CHMP4B: variants seen among roughly 807,000 people sequenced by gnomAD.
CHMP4B encodes SNF7 homolog associated with Alix 1.
Under a neutral mutation model 25.1 loss-of-function variants are expected in CHMP4B, and 1 was observed. The ratio of observed to expected loss-of-function variants is 0.04; its 90% confidence interval spans 0.01 to 0.19. CHMP4B has a LOEUF of 0.19. Among genes scored for constraint, CHMP4B ranks in the 10% least tolerant of loss-of-function variants. CHMP4B has a pLI of 1.00. For synonymous variants in CHMP4B, 101 were observed against 115.6 expected (o/e 0.87, Z 0.81); for missense variants, 151 against 289.7 (o/e 0.52, Z 3.48).
chr20:33,831,772 C>T (rs1287260404), intron 1 of CHMP4B, among the ~76,000 whole-genome samples: 1 of 152,004 alleles, frequency 6.6e-6, no homozygotes, highest in Non-Finnish European at 1.5e-5. Context: ...CAGTTGTAAT[C>T]GACAGTGTTC....
chr20:33,816,347 A>G (rs1978782900), intron 1 of CHMP4B, among the ~76,000 whole-genome samples: 1 of 152,184 alleles, frequency 6.6e-6, no homozygotes, highest in African/African-American at 2.4e-5. Flanking sequence ...AACTAAGGTA[A>G]TATATGAAAG....
intron 1 of CHMP4B, among the ~76,000 whole-genome samples, chr20:33,829,234 C>T (rs941491793): frequency 2.0e-5 from 3 of 152,164 alleles, no homozygotes; most frequent in African/African-American, 7.2e-5. Flanking sequence ...ACAGAATTTT[C>T]CCCAGTTCTC....
intron 2 of CHMP4B, among the ~76,000 whole-genome samples, chr20:33,850,029 G>A (rs143945967): frequency 2.0e-5 from 3 of 152,120 alleles, no homozygotes; most frequent in Non-Finnish European, 4.4e-5. Context: ...CTCCCTCCTG[G>A]GCCTCTCAAA....
In CHMP4B at chr20:33,853,477, C is replaced by T. The variant is rs1425357906; in HGVS notation, c.611-19C>T. The stretch of plus-strand genomic sequence containing the variant: ...GAACGCACCAGTCATCCTAAATAGC[C>T]TTTTCTGTCTTCACACAGCCAAGAA... On this transcript the variant is annotated intron_variant, in intron 4 of 4. Coordinates refer to ENST00000217402, the MANE Select transcript of CHMP4B (RefSeq NM_176812.5). 10 of 1,613,056 alleles carry T rather than the reference C, an allele frequency of 6.2e-6. No homozygotes were observed. The highest frequency in any genetic ancestry group is 6.8e-6 in the Non-Finnish European group (8 of 1,179,288).
chr20:33,830,014 A>G (rs546120947), intron 1 of CHMP4B, among the ~76,000 whole-genome samples: 1 of 152,316 alleles, frequency 6.6e-6, no homozygotes, highest in African/African-American at 2.4e-5. Flanking sequence ...CCATTTTACA[A>G]ATGAGGAAAC....
At chr20:33,828,808 T>G (rs1343617494) in intron 1 of CHMP4B, among the ~76,000 whole-genome samples, 1 of 151,908 alleles carries the variant, frequency 6.6e-6, no homozygotes, top group African/African-American at 2.4e-5. Flanking sequence ...AGTAAGCAGA[T>G]AAGTCTCAGG....
intron 1 of CHMP4B, among the ~76,000 whole-genome samples, chr20:33,824,650 A>G (rs1979037462): frequency 6.6e-6 from 1 of 152,152 alleles, no homozygotes; most frequent in African/African-American, 2.4e-5. Flanking sequence ...TGTGACCTCT[A>G]GAGTAGGGTT....
At chr20:33,850,212 C>T (rs1280262238) in intron 2 of CHMP4B, among the ~76,000 whole-genome samples, 2 of 152,156 alleles carry the variant, frequency 1.3e-5, no homozygotes, top group Middle Eastern at 3.2e-3. Context: ...TACTGTCTGG[C>T]CCTTTGCAGA....
intron 3 of CHMP4B, among the ~76,000 whole-genome samples, chr20:33,851,395 A>G (rs200665980): frequency 6.6e-6 from 1 of 152,180 alleles, no homozygotes; most frequent in East Asian, 1.9e-4. Flanking sequence ...AGAAGTTCAC[A>G]GGATTTTCCC....
At chr20:33,832,207 A>AG (rs1468101480) in intron 1 of CHMP4B, among the ~76,000 whole-genome samples, 2 of 152,134 alleles carry the variant, frequency 1.3e-5, no homozygotes, top group Non-Finnish European at 2.9e-5. Context: ...CTCAGGCAGA[A>AG]GGGGGCCCTT....
intron 1 of CHMP4B, among the ~76,000 whole-genome samples, chr20:33,828,063 A>G (rs1402310128): frequency 1.2e-4 from 18 of 152,186 alleles, no homozygotes; most frequent in Admixed American, 1.2e-3. Flanking sequence ...TATGGTAAAC[A>G]TTTACCCACC....
chr20:33,823,518 T>G (rs943086595), intron 1 of CHMP4B, among the ~76,000 whole-genome samples: 7 of 152,056 alleles, frequency 4.6e-5, no homozygotes, highest in Non-Finnish European at 1.0e-4. Flanking sequence ...ACTATAGGCA[T>G]GTACCACCAA....
At chr20:33,817,738 T>C (rs1978821162) in intron 1 of CHMP4B, among the ~76,000 whole-genome samples, 1 of 152,186 alleles carries the variant, frequency 6.6e-6, no homozygotes, top group Non-Finnish European at 1.5e-5. Context: ...CCACTGTCTT[T>C]AAGAGTGTGA....
At chr20:33,846,601 G>A (rs748622838) in intron 1 of CHMP4B, among the ~76,000 whole-genome samples, 54 of 152,330 alleles carry the variant, frequency 3.5e-4, no homozygotes, top group Middle Eastern at 6.8e-3. Context: ...TGTGCTATAC[G>A]CAGGCCAAGC....
chr20:33,812,196 CG>C (rs1436042756), intron 1 of CHMP4B, among the ~76,000 whole-genome samples: 1 of 152,210 alleles, frequency 6.6e-6, no homozygotes, highest in African/African-American at 2.4e-5. Flanking sequence ...ATGAGACCCC[CG>C]ATTCCTGCTC....
intron 1 of CHMP4B, among the ~76,000 whole-genome samples, chr20:33,826,743 A>G (rs1490451786): frequency 6.6e-6 from 1 of 152,196 alleles, no homozygotes; most frequent in Non-Finnish European, 1.5e-5. Flanking sequence ...GTAGAGGCAG[A>G]ACAGCAATTT....
intron 1 of CHMP4B, among the ~76,000 whole-genome samples, chr20:33,820,455 A>G (rs1429880806): frequency 1.3e-5 from 2 of 152,208 alleles, no homozygotes; most frequent in African/African-American, 4.8e-5. Flanking sequence ...TCATGAATCT[A>G]TTTGATAGAT....
chr20:33,830,933 G>GTTTTTTTTTGTTTTT (rs1979223937), intron 1 of CHMP4B, among the ~76,000 whole-genome samples: 2 of 102,524 alleles, frequency 2.0e-5, no homozygotes, highest in South Asian at 3.8e-4. Context: ...AAGGAACAGA[G>GTTTTTTTTTGTTTTT]TTTTTTTTTT....
intron 3 of CHMP4B, 95 bp from the exon 4 acceptor site, chr20:33,851,982 G>A: frequency 1.3e-6 from 2 of 1,524,556 alleles, no homozygotes; most frequent in South Asian, 1.1e-5. Flanking sequence ...TCTCAGAGGG[G>A]TGTGTGTCTC....
Sources: gnomAD v4.1 joint callset for allele counts (sites outside exome capture counted in the v4.1 genomes callset) on GRCh38, gnomAD v4.1.1 for gene constraint, MANE v1.5 for transcripts, NCBI Gene and HGNC (gene_info 2026-07-23, HGNC 2026-07-21) for gene names.